Variants in SEC14L1 observed in about 807,000 individuals in gnomAD.
The protein encoded by SEC14L1 is SEC14-like protein 1.
A neutral mutation model predicts 85.3 loss-of-function variants in SEC14L1; 48 were observed. The ratio of observed to expected loss-of-function variants is 0.56; its 90% CI spans 0.45 to 0.72. The LOEUF is 0.72. Among genes scored for constraint, SEC14L1 ranks in the 30% least tolerant of loss-of-function variants. The pLI, the probability that SEC14L1 is intolerant of heterozygous loss-of-function variation, is 0.00. For synonymous variants in SEC14L1, 391 were observed against 355.5 expected, an observed-to-expected ratio of 1.10 and a Z score of -1.12; for missense variants, 682 against 921.4, an observed-to-expected ratio of 0.74 and a Z score of 3.36.
intron 3 of SEC14L1, among the ~76,000 whole-genome samples, chr17:77,187,657 C>T (rs949373194): frequency 2.6e-5 from 4 of 151,798 alleles, no homozygotes; most frequent in East Asian, 1.9e-4. Flanking sequence ...GGATTACAGA[C>T]GTGAGCCACT....
At position 77,205,189 on chromosome 17, in the gene SEC14L1, G is replaced by A. The variant is rs991315759; in HGVS notation, c.1099-87G>A. 34 of 1,110,110 alleles carry A rather than the reference G, an allele frequency of 3.1e-5. No homozygotes were observed. The Admixed American group carries it at 4.7e-4, about 15-fold the overall frequency. The allele number at this position is 1,110,110 out of a possible 1,614,324, so 68.8% of individuals were successfully genotyped here. A position where few individuals can be genotyped will look rare whatever the true frequency, so the allele number is the denominator to read the frequency against. ...TGATTTACATGCTTATCTGTAATAC[G>A]CTGTTAGTGTCCCTCTTCCATAGCT... is the stretch of plus-strand genomic sequence containing the variant. On this transcript the variant is annotated intron_variant, in intron 10 of 16. Transcript: ENST00000436233.
At chr17:77,132,633 G>A (rs1039261168) in intron 3 of SEC14L1, among the ~76,000 whole-genome samples, 1 of 152,216 alleles carries the variant, frequency 6.6e-6, no homozygotes, top group Non-Finnish European at 1.5e-5. Flanking sequence ...CAGAAAATAC[G>A]AAGTAAGTGC....
chr17:77,142,079 T>TC (rs1470785199), intron 1 of SEC14L1, among the ~76,000 whole-genome samples: 1 of 152,140 alleles, frequency 6.6e-6, no homozygotes, highest in Admixed American at 6.5e-5. Context: ...TCTTTCAAGA[T>TC]CATCTCCCCG....
At chr17:77,161,784 T>A (rs17612259) in intron 3 of SEC14L1, among the ~76,000 whole-genome samples, 9,643 of 150,234 alleles carry the variant, frequency 0.064, 431 homozygotes, top group South Asian at 0.15. Flanking sequence ...TCCTTGTATT[T>A]TCCTGTTTGT....
chr17:77,157,349 C>G (rs140652230), intron 3 of SEC14L1, among the ~76,000 whole-genome samples: 19 of 152,224 alleles, frequency 1.2e-4, no homozygotes, highest in Admixed American at 7.2e-4. Context: ...TCGAAGAGTT[C>G]CAAATCCTAA....
intron 3 of SEC14L1, among the ~76,000 whole-genome samples, chr17:77,157,554 G>T (rs1264004441): frequency 6.6e-6 from 1 of 151,608 alleles, no homozygotes; most frequent in African/African-American, 2.4e-5. Context: ...TTGAGATGGG[G>T]CCTCGCTGCG....
chr17:77,110,685 C>G (rs1008129422), intron 3 of SEC14L1, among the ~76,000 whole-genome samples: 1 of 149,922 alleles, frequency 6.7e-6, no homozygotes, highest in African/African-American at 2.5e-5. Flanking sequence ...TTGAGACCAT[C>G]CTGGCTAACA....
chr17:77,191,020 AG>A (rs1171933915), intron 4 of SEC14L1, 68 bp downstream of exon 4: 2 of 1,588,340 alleles, frequency 1.3e-6, no homozygotes, highest in East Asian at 4.5e-5. Context: ...CTGGTGGGAG[AG>A]GGCGTCCTGG....
At chr17:77,202,694 C>T (rs896252103) in intron 9 of SEC14L1, among the ~76,000 whole-genome samples, 12 of 151,514 alleles carry the variant, frequency 7.9e-5, no homozygotes, top group Non-Finnish European at 7.4e-5. Flanking sequence ...CGGAGGCAGG[C>T]GGATTGCCTG....
At chr17:77,192,513 C>T (rs752335035) in intron 5 of SEC14L1, among the ~76,000 whole-genome samples, 1 of 152,156 alleles carries the variant, frequency 6.6e-6, no homozygotes, top group African/African-American at 2.4e-5. Flanking sequence ...GGGCCTCCCC[C>T]AGGGGCTTTG....
At chr17:77,160,250 C>G (rs1974000382) in intron 3 of SEC14L1, among the ~76,000 whole-genome samples, 1 of 152,198 alleles carries the variant, frequency 6.6e-6, no homozygotes, top group South Asian at 2.1e-4. Flanking sequence ...CTGCAGTTCC[C>G]TAGAACACCA....
chr17:77,178,130 A>G (rs1974845586), intron 3 of SEC14L1, among the ~76,000 whole-genome samples: 2 of 137,962 alleles, frequency 1.4e-5, no homozygotes, highest in African/African-American at 2.7e-5. Context: ...GTTTAGGGAA[A>G]TTTATGGCAG....
rs1221304862 is a variant in SEC14L1 at position 77,216,573 on chromosome 17, A to G, written c.*2550A>G. 1.9e-6 allele frequency: 3 copies of G among 1,613,352 alleles called. No individual in the cohort carries two copies. The highest frequency in any genetic ancestry group is 2.5e-6 in the Non-Finnish European group (3 of 1,179,476). Reference sequence around the variant, plus strand: ...GATGGCGATTTTGCTGACAGCTGCCAAGAAAATGCTTCACTCAACAGTCCT... The same window carrying G: ...GATGGCGATTTTGCTGACAGCTGCCGAGAAAATGCTTCACTCAACAGTCCT... On this transcript the variant is annotated 3_prime_UTR_variant, in exon 17 of 17. Transcript: ENST00000436233.
intron 9 of SEC14L1, 120 bp downstream of exon 9, chr17:77,200,793 ACT>A: frequency 3.2e-6 from 3 of 935,218 alleles, no homozygotes; most frequent in South Asian, 1.7e-5. Flanking sequence ...GTTTCTCCTC[ACT>A]CTGAGAATTT....
In SEC14L1 at chr17:77,215,518, C is replaced by T. The variant is rs1231364302; in HGVS notation, c.*1495C>T. The T allele has an allele frequency of 1.0e-6, 1 of 986,222 alleles. No homozygotes were observed. The allele number at this position is 986,222 out of a possible 1,614,324, so 61.1% of individuals were successfully genotyped here. On this transcript the variant is annotated 3_prime_UTR_variant, in exon 17 of 17. Coordinates refer to ENST00000436233, the MANE Select transcript of SEC14L1 (RefSeq NM_001143998.2). ...AGAGCTGTGTGGAGGCCATGTGTGC[C>T]CCGTGCAGGGATCAGGAGGGCGGGG...
intron 14 of SEC14L1, chr17:77,211,636 C>T (rs993133670): frequency 5.3e-6 from 2 of 375,556 alleles, no homozygotes; most frequent in African/African-American, 2.1e-5. Flanking sequence ...CACTCATGTA[C>T]GAGCTCACAG....
At chr17:77,194,356 A>T (rs1975693213) in intron 6 of SEC14L1, among the ~76,000 whole-genome samples, 1 of 152,150 alleles carries the variant, frequency 6.6e-6, no homozygotes, top group Non-Finnish European at 1.5e-5. Flanking sequence ...AGAGTTCGAG[A>T]CCAGCCTGGA....
At chr17:77,153,257 G>GGCCAGGCT (rs1339445304) in intron 3 of SEC14L1, among the ~76,000 whole-genome samples, 1 of 152,098 alleles carries the variant, frequency 6.6e-6, no homozygotes, top group African/African-American at 2.4e-5. Context: ...AGTACAGATG[G>GGCCAGGCT]GGTTTCACCA....
chr17:77,184,756 A>G (rs1268132701), intron 3 of SEC14L1, among the ~76,000 whole-genome samples: 1 of 152,204 alleles, frequency 6.6e-6, no homozygotes, highest in Non-Finnish European at 1.5e-5. Context: ...ATGAACTGAG[A>G]TGTCATTGCT....
Sources: gnomAD v4.1 joint callset for allele counts (sites outside exome capture counted in the v4.1 genomes callset) on GRCh38, gnomAD v4.1.1 for gene constraint, MANE v1.5 for transcripts, NCBI Gene and HGNC (gene_info 2026-07-23, HGNC 2026-07-21) for gene names.